HDAC9: variants seen among roughly 807,000 people sequenced by gnomAD.
The protein encoded by HDAC9 is MEF-2 interacting transcription repressor (MITR) protein.
Under a neutral mutation model 139.4 loss-of-function variants are expected in HDAC9, and 41 were observed. The ratio of observed to expected loss-of-function variants is 0.29; its 90% CI spans 0.23 to 0.38. The LOEUF (loss-of-function observed/expected upper bound fraction) is 0.38, where lower values mean the gene tolerates loss of function less well. Ranked by LOEUF, HDAC9 falls within the 10% of genes least tolerant of loss-of-function variation. HDAC9 has a pLI of 1.00. For synonymous variants in HDAC9, 517 were observed against 476.2 expected (o/e 1.09, Z -1.12); for missense variants, 1,147 against 1,297.0 (o/e 0.88, Z 1.78).
chr7:18,163,922 A>C (rs1460239742), intron 2 of HDAC9, among the ~76,000 whole-genome samples: 2 of 152,180 alleles, frequency 1.3e-5, no homozygotes, highest in African/African-American at 4.8e-5. Context: ...TGATTTTATA[A>C]AATGAAAATC....
At chr7:18,103,758 C>T (rs1783006558) in intron 1 of HDAC9, among the ~76,000 whole-genome samples, 1 of 152,108 alleles carries the variant, frequency 6.6e-6, no homozygotes, top group Non-Finnish European at 1.5e-5. Flanking sequence ...GCTCCTATGG[C>T]ATATTTCTGG....
At chr7:18,759,344 G>T (rs996669012) in intron 14 of HDAC9, among the ~76,000 whole-genome samples, 2 of 152,068 alleles carry the variant, frequency 1.3e-5, no homozygotes, top group South Asian at 2.1e-4. Context: ...GCTCCCTGTT[G>T]CTTGCATTAC....
At chr7:18,232,738 G>A (rs1169349753) in intron 2 of HDAC9, among the ~76,000 whole-genome samples, 2 of 152,132 alleles carry the variant, frequency 1.3e-5, no homozygotes, top group African/African-American at 4.8e-5. Flanking sequence ...CACCAGTTCA[G>A]GGACACAGGT....
At chr7:18,948,427 T>G (rs1782556973) in intron 23 of HDAC9, among the ~76,000 whole-genome samples, 1 of 152,022 alleles carries the variant, frequency 6.6e-6, no homozygotes. Context: ...TTAGTAAAAA[T>G]TAATTATATA....
chr7:18,155,988 C>T (rs921677659), intron 1 of HDAC9, among the ~76,000 whole-genome samples: 2 of 152,142 alleles, frequency 1.3e-5, no homozygotes, highest in African/African-American at 4.8e-5. Flanking sequence ...CCCCCAGAGT[C>T]CTAGACTCTC....
At chr7:18,653,061 A>T (rs1170400721) in intron 11 of HDAC9, among the ~76,000 whole-genome samples, 1 of 151,744 alleles carries the variant, frequency 6.6e-6, no homozygotes, top group African/African-American at 2.4e-5. Flanking sequence ...ACATGGAGAA[A>T]CCCCGTCTCT....
intron 6 of HDAC9, among the ~76,000 whole-genome samples, chr7:18,627,253 A>G (rs1025209133): frequency 2.0e-5 from 3 of 152,142 alleles, no homozygotes; most frequent in Non-Finnish European, 4.4e-5. Context: ...GAAGTGATCA[A>G]TTGATTTACT....
chr7:18,158,059 G>T (rs1436118446), intron 1 of HDAC9, among the ~76,000 whole-genome samples: 2 of 152,128 alleles, frequency 1.3e-5, no homozygotes, highest in Non-Finnish European at 2.9e-5. Flanking sequence ...ATTTTGGCTT[G>T]CCCTAGCCAT....
At chr7:18,805,922 T>C (rs1429569179) in intron 17 of HDAC9, among the ~76,000 whole-genome samples, 1 of 152,176 alleles carries the variant, frequency 6.6e-6, no homozygotes, top group Non-Finnish European at 1.5e-5. Context: ...CTATAAATTA[T>C]ATAGCCTCCT....
At chr7:18,670,889 G>A (rs1309806876) in intron 12 of HDAC9, among the ~76,000 whole-genome samples, 1 of 149,300 alleles carries the variant, frequency 6.7e-6, no homozygotes, top group African/African-American at 2.5e-5. Context: ...TAATTCTAAT[G>A]AGGGTTAGGG....
chr7:18,989,498 A>T (rs1785677319), intron 25 of HDAC9, among the ~76,000 whole-genome samples: 2 of 149,258 alleles, frequency 1.3e-5, no homozygotes, highest in South Asian at 4.3e-4. Context: ...TTTTTCCTTC[A>T]TTTCAACTTT....
chr7:18,957,169 T>A (rs1020760787), intron 24 of HDAC9, among the ~76,000 whole-genome samples: 1 of 152,104 alleles, frequency 6.6e-6, no homozygotes, highest in Non-Finnish European at 1.5e-5. Flanking sequence ...TCTCACCATT[T>A]GAGAAGTGGA....
At chr7:18,602,366 A>T (rs917867594) in intron 6 of HDAC9, among the ~76,000 whole-genome samples, 4 of 151,358 alleles carry the variant, frequency 2.6e-5, no homozygotes, top group African/African-American at 9.7e-5. Context: ...TGACAGCCTG[A>T]CTGTAGTTTC....
At position 18,623,939 on chromosome 7, in the gene HDAC9, A is replaced by AG. The variant is rs534047462; in HGVS notation, c.665-5404dup. On this transcript the variant is annotated intron_variant, in intron 6 of 25. Transcript: ENST00000686413. ...GGGCGACAGAGCAAGACTCCATTGCAGGGGGGGTAAAAAAAGCATTGGGAT... is the reference window on the plus strand; with the variant it reads ...GGGCGACAGAGCAAGACTCCATTGCAGGGGGGGGTAAAAAAAGCATTGGGAT... Among the ~76,000 whole-genome samples, 190 of 152,178 alleles carry AG rather than the reference A, an allele frequency of 1.2e-3. 2 individuals carry two copies. Among genetic ancestry groups the AG allele is most frequent in the East Asian group, 1.2e-3 (6 of 5,172 alleles).
At chr7:18,470,979 T>G (rs1210285251) in intron 1 of HDAC9, among the ~76,000 whole-genome samples, 1 of 152,134 alleles carries the variant, frequency 6.6e-6, no homozygotes, top group Non-Finnish European at 1.5e-5. Context: ...TGCTAGGGGA[T>G]TTTTCATTTA....
intron 1 of HDAC9, among the ~76,000 whole-genome samples, chr7:18,408,443 C>T (rs1313731266): frequency 3.9e-5 from 6 of 152,170 alleles, no homozygotes; most frequent in Non-Finnish European, 2.9e-5. Context: ...TACTAGCTTT[C>T]TGACATAAAT....
intron 13 of HDAC9, among the ~76,000 whole-genome samples, chr7:18,733,430 C>T (rs1786582404): frequency 6.6e-6 from 1 of 150,650 alleles, no homozygotes. Flanking sequence ...TTTCTTTTGT[C>T]AGGAAATCTA....
intron 1 of HDAC9, among the ~76,000 whole-genome samples, chr7:18,293,162 G>T (rs1797922222): frequency 6.6e-6 from 1 of 152,010 alleles, no homozygotes; most frequent in African/African-American, 2.4e-5. Flanking sequence ...GACAGAATCA[G>T]CCAAGCTTTA....
At chr7:18,980,685 CTTG>C (rs1563103068) in intron 25 of HDAC9, among the ~76,000 whole-genome samples, 2 of 134,844 alleles carry the variant, frequency 1.5e-5, no homozygotes, top group African/African-American at 5.8e-5. Flanking sequence ...TCTTGTTCTT[CTTG>C]TTCTTCTTCC....
Sources: allele counts gnomAD v4.1 joint callset (sites outside exome capture counted in the v4.1 genomes callset), GRCh38; gene constraint gnomAD v4.1.1; transcripts MANE v1.5; gene names NCBI Gene and HGNC (gene_info 2026-07-23, HGNC 2026-07-21).